PDE4D: variants seen among roughly 807,000 people sequenced by gnomAD.
PDE4D encodes 3',5'-cyclic-AMP phosphodiesterase 4D.
Under a neutral mutation model 87.4 loss-of-function variants are expected in PDE4D, and 24 were observed. The ratio of observed to expected loss-of-function variants is 0.27; its 90% confidence interval spans 0.20 to 0.39. The LOEUF is 0.39. PDE4D is among the 10% of genes least tolerant of loss of function. PDE4D has a pLI of 1.00. For synonymous variants in PDE4D, 384 were observed against 383.2 expected, an observed-to-expected ratio of 1.00 and a Z score of -0.02; for missense variants, 714 against 1,041.0, an observed-to-expected ratio of 0.69 and a Z score of 4.32.
At chr5:59,713,466 G>A (rs915264235) in intron 1 of PDE4D, among the ~76,000 whole-genome samples, 4 of 152,096 alleles carry the variant, frequency 2.6e-5, no homozygotes, top group African/African-American at 4.8e-5. Flanking sequence ...TTGCACCTAC[G>A]GCTCACACTC....
chr5:59,746,126 T>C lies in PDE4D; in HGVS notation c.455+147042A>G, dbSNP rs1179020320. Among the ~76,000 whole-genome samples the C allele has an allele frequency of 2.6e-5, 4 of 152,286 alleles. No individual in the cohort carries two copies. The South Asian group carries it at 6.2e-4, about 24-fold the overall frequency. ...AAAAATATTTTTCAGTTCTTCAATA[T>C]CTAGGCTGAACATCATATTCAAGAA... On this transcript the variant is annotated intron_variant, in intron 1 of 14. Coordinates refer to ENST00000340635, the MANE Select transcript of PDE4D (RefSeq NM_001104631.2).
chr5:59,619,340 T>C (rs928164406), intron 1 of PDE4D, among the ~76,000 whole-genome samples: 1 of 152,262 alleles, frequency 6.6e-6, no homozygotes, highest in East Asian at 1.9e-4. Flanking sequence ...ATCTAAAATA[T>C]AAGCCTAGGG....
chr5:60,448,724 CCAAGAAT>C (rs1205741979), intron 1 of PDE4D: 1 of 152,098 alleles, frequency 6.6e-6, no homozygotes, highest in Non-Finnish European at 1.5e-5. Context: ...TCAGTTTCTA[CCAAGAAT>C]ACAAATCTCT....
intron 3 of PDE4D, among the ~76,000 whole-genome samples, chr5:59,985,021 A>G (rs1197838095): frequency 2.0e-5 from 3 of 152,100 alleles, no homozygotes; most frequent in South Asian, 4.2e-4. Context: ...CTCAGTTAAA[A>G]TAGGCTAAAT....
chr5:59,615,150 A>T (rs77593325), intron 1 of PDE4D, among the ~76,000 whole-genome samples: 16 of 152,118 alleles, frequency 1.1e-4, no homozygotes, highest in Non-Finnish European at 2.2e-4. Context: ...TATGTTGAAC[A>T]TTCCCATTCT....
At chr5:59,620,178 G>T (rs1363887601) in intron 1 of PDE4D, among the ~76,000 whole-genome samples, 1 of 152,196 alleles carries the variant, frequency 6.6e-6, no homozygotes, top group East Asian at 1.9e-4. Flanking sequence ...GCTGACTAGA[G>T]AAATGAATGG....
chr5:59,768,689 C>T (rs1200426627), intron 1 of PDE4D: 2 of 1,428,446 alleles, frequency 1.4e-6, no homozygotes, highest in African/African-American at 2.9e-5. Context: ...CGCACTCCTC[C>T]GCGGAAGCGT....
At chr5:59,617,592 A>G (rs1829855112) in intron 1 of PDE4D, among the ~76,000 whole-genome samples, 3 of 152,114 alleles carry the variant, frequency 2.0e-5, no homozygotes, top group African/African-American at 7.2e-5. Flanking sequence ...TAAAAAGAAC[A>G]CCATGTGAAG....
intron 2 of PDE4D, among the ~76,000 whole-genome samples, chr5:60,142,009 T>A (rs1016488990): frequency 1.3e-5 from 2 of 152,136 alleles, no homozygotes; most frequent in Admixed American, 1.3e-4. Context: ...TAAACCCTGA[T>A]CATCATTTGT....
At chr5:59,693,086 T>G (rs567074042) in intron 1 of PDE4D, among the ~76,000 whole-genome samples, 5 of 152,154 alleles carry the variant, frequency 3.3e-5, no homozygotes, top group Non-Finnish European at 7.4e-5. Flanking sequence ...TTAAAAATTA[T>G]AAAGTTGTTC....
intron 2 of PDE4D, chr5:60,185,533 T>G: frequency 1.4e-6 from 2 of 1,475,400 alleles, no homozygotes; most frequent in Non-Finnish European, 1.8e-6. Context: ...GTTTAGAAAA[T>G]AGATGAAAAC....
intron 1 of PDE4D, among the ~76,000 whole-genome samples, chr5:59,669,600 A>G (rs1270828966): frequency 6.6e-6 from 1 of 152,180 alleles, no homozygotes; most frequent in Non-Finnish European, 1.5e-5. Flanking sequence ...TTTCTATGGC[A>G]TGCTGGACAT....
chr5:60,132,861 A>G (rs901525933), intron 2 of PDE4D, among the ~76,000 whole-genome samples: 10 of 151,752 alleles, frequency 6.6e-5, no homozygotes, highest in African/African-American at 2.4e-4. Flanking sequence ...TACCTCGAGA[A>G]AAAAAAAATT....
chr5:59,251,900 C>G (rs1299837846), intron 1 of PDE4D, among the ~76,000 whole-genome samples: 1 of 151,874 alleles, frequency 6.6e-6, no homozygotes, highest in Non-Finnish European at 1.5e-5. Context: ...AGGCTATTAT[C>G]CTTAGCAAAT....
chr5:59,070,354 A>C (rs2153417077), intron 5 of PDE4D, among the ~76,000 whole-genome samples: 1 of 152,226 alleles, frequency 6.6e-6, no homozygotes, highest in East Asian at 1.9e-4. Flanking sequence ...CCCACCCACA[A>C]TACATACATG....
intron 1 of PDE4D, among the ~76,000 whole-genome samples, chr5:59,668,871 A>G (rs1746641735): frequency 2.6e-5 from 2 of 77,078 alleles, no homozygotes; most frequent in African/African-American, 5.8e-5. Context: ...GAAGAAGAAG[A>G]AGAAGAAGAA....
At position 59,408,659 on chromosome 5, in the gene PDE4D, T is replaced by C. The variant is rs140240519; in HGVS notation, c.456-192691A>G. Among the ~76,000 whole-genome samples, 216 of 152,334 alleles carry C rather than the reference T, an allele frequency of 1.4e-3. 1 individual carries two copies. The highest frequency in any genetic ancestry group is 5.1e-3 in the African/African-American group (210 of 41,574). On this transcript the variant is annotated intron_variant, in intron 1 of 14. Coordinates refer to ENST00000340635, the MANE Select transcript of PDE4D (RefSeq NM_001104631.2). Reference sequence around the variant, plus strand: ...AACCCATGAGAGCAGTCATGGAGGCTTCACCTTGCAAAAGCTGTAGAGGCA... The same window carrying C: ...AACCCATGAGAGCAGTCATGGAGGCCTCACCTTGCAAAAGCTGTAGAGGCA...
rs541337629 is a variant in PDE4D, at chr5:60,521,953, G to C, written n.70+98C>G. The C allele has an allele frequency of 1.4e-4, 20 of 146,294 alleles. 1 individual carries two copies. The highest frequency in any genetic ancestry group is 5.1e-4 in the African/African-American group (20 of 39,556). The allele number at this position is 146,294 out of a possible 1,614,324, so 9.1% of individuals were successfully genotyped here. ...CCTGCAGGAAAAAAAAAAAAAAAAT[G>C]CTTCCCTCAGTTCATTCCCTGTAGT... On this transcript the variant is annotated intron_variant and non_coding_transcript_variant, in intron 1 of 2. Coordinates refer to the PDE4D transcript ENST00000506510.
At chr5:60,181,344 G>C (rs1304227419) in intron 2 of PDE4D, among the ~76,000 whole-genome samples, 1 of 152,028 alleles carries the variant, frequency 6.6e-6, no homozygotes, top group Non-Finnish European at 1.5e-5. Flanking sequence ...ATATTCTAGG[G>C]AGCCTACTGG....
Sources: allele counts gnomAD v4.1 joint callset (sites outside exome capture counted in the v4.1 genomes callset), GRCh38; gene constraint gnomAD v4.1.1; transcripts MANE v1.5; gene names NCBI Gene and HGNC (gene_info 2026-07-23, HGNC 2026-07-21).